The following FBXO34 variants were observed in gnomAD, a reference collection of about 807,000 sequenced individuals.
FBXO34 encodes the protein F-box only protein 34.
Under a neutral mutation model 24.5 loss-of-function variants are expected in FBXO34, and 12 were observed. The ratio of observed to expected loss-of-function variants is 0.49; its 90% CI spans 0.31 to 0.79. FBXO34 has a LOEUF of 0.79. Among genes scored for constraint, FBXO34 ranks in the 30% least tolerant of loss-of-function variants. The probability of loss-of-function intolerance (pLI) is 0.04; values close to 1 mark genes in which losing one functional copy is unlikely to be tolerated. For missense variants in FBXO34, 823 were observed against 857.7 expected, an observed-to-expected ratio of 0.96 and a Z score of 0.51; for synonymous variants, 320 against 311.9, an observed-to-expected ratio of 1.03 and a Z score of -0.27.
At chr14:55,354,279 G>C (rs1275105571), downstream of FBXO34, among the ~76,000 whole-genome samples, 2 of 152,328 alleles carry the variant, frequency 1.3e-5, no homozygotes, top group African/African-American at 4.8e-5. Flanking sequence ...GAGGTTTCCA[G>C]TGTTTGTCCT....
At chr14:55,391,040 T>C in the FBXO34 span, 1 of 1,261,182 alleles carries the variant, frequency 7.9e-7, no homozygotes, top group East Asian at 2.4e-5. Context: ...CTCTTATGGT[T>C]AATATGATTA....
the FBXO34 span, chr14:55,414,197 A>G: frequency 1.8e-6 from 1 of 563,898 alleles, no homozygotes; most frequent in Non-Finnish European, 3.1e-6. Flanking sequence ...TTAAAATAAC[A>G]CAAAAGGAGT....
the FBXO34 span, among the ~76,000 whole-genome samples, chr14:55,399,756 GGACT>G: frequency 1.3e-5 from 2 of 152,192 alleles, no homozygotes; most frequent in Admixed American, 6.5e-5. Flanking sequence ...ACCATGCAAA[GGACT>G]GACAGGGAAA....
chr14:55,307,013 A>G lies in FBXO34; in HGVS notation c.-11+35476A>G, dbSNP rs533477161. Among the ~76,000 whole-genome samples the G allele has an allele frequency of 3.3e-5, 5 of 152,338 alleles. No homozygotes were observed. The South Asian group carries it at 1.0e-3, about 32-fold the overall frequency. The stretch of plus-strand genomic sequence containing the variant: ...TATTAGCTAATTCCGAGATTGTTTA[A>G]TATGGTATCCACCCATTTCATTTGG... On this transcript the variant is annotated intron_variant, in intron 1 of 1. Coordinates refer to ENST00000313833, the MANE Select transcript of FBXO34 (RefSeq NM_017943.4).
intron 1 of FBXO34, among the ~76,000 whole-genome samples, chr14:55,319,705 C>T (rs1357991495): frequency 6.6e-6 from 1 of 152,156 alleles, no homozygotes; most frequent in Non-Finnish European, 1.5e-5. Context: ...TAGATGGAGT[C>T]TGGCTCTGTC....
At chr14:55,312,288 T>TC (rs1882770931) in intron 1 of FBXO34, among the ~76,000 whole-genome samples, 3 of 152,180 alleles carry the variant, frequency 2.0e-5, no homozygotes, top group Admixed American at 2.0e-4. Context: ...AGATTTAGGC[T>TC]CCCATGGCCT....
the FBXO34 span, chr14:55,413,655 ACTCAGACAC>A: frequency 0.018 from 7,006 of 398,688 alleles, 447 homozygotes; most frequent in African/African-American, 0.14. Context: ...CTTCAGTTGA[ACTCAGACAC>A]CTCTCCCTTT....
At chr14:55,331,464 C>A (rs1883529298) in intron 1 of FBXO34, among the ~76,000 whole-genome samples, 1 of 149,722 alleles carries the variant, frequency 6.7e-6, no homozygotes. Flanking sequence ...ATATATGCAG[C>A]TATAAAGAGC....
chr14:55,284,178 T>G (rs879785439), intron 1 of FBXO34, among the ~76,000 whole-genome samples: 2 of 152,150 alleles, frequency 1.3e-5, no homozygotes, highest in Non-Finnish European at 2.9e-5. Flanking sequence ...ATTGCATGTA[T>G]TTTTAAGACT....
intron 1 of FBXO34, among the ~76,000 whole-genome samples, chr14:55,289,181 T>C (rs985004904): frequency 2.6e-5 from 4 of 152,092 alleles, no homozygotes; most frequent in African/African-American, 2.4e-5. Context: ...TTCTCTTTTT[T>C]CCCCCCTTTC....
chr14:55,351,101 G>T lies in FBXO34; in HGVS notation c.711G>T (p.Arg237Ser). 6.2e-7 allele frequency: 1 copy of T among 1,614,192 alleles called. No individual in the cohort carries two copies. The highest frequency in any genetic ancestry group is 8.5e-7 in the Non-Finnish European group (1 of 1,180,036). ...GCACAAACTCACCTGCAATTGTGAG[G>T]TTTTCTGGCCAATCCAGAGGTGTGC... ...KNCTNSPAIV[R>S]FSGQSRGVPA... Residue 237 changes from arginine (R) to serine (S), a missense_variant, in exon 2 of 2, where the codon AGG becomes AGT. By Grantham distance (110) the Arg-to-Ser change is moderately radical. Transcript: ENST00000313833.
chr14:55,429,065 G>T, the FBXO34 span: 10 of 1,473,498 alleles, frequency 6.8e-6, no homozygotes, highest in South Asian at 1.1e-4. Flanking sequence ...TTTGTACCAC[G>T]TTTATCTTTC....
At chr14:55,359,897 T>C (rs924339671) in intron 3 of FBXO34, among the ~76,000 whole-genome samples, 1 of 136,172 alleles carries the variant, frequency 7.3e-6, no homozygotes, top group African/African-American at 2.8e-5. Flanking sequence ...CTGGGCAACA[T>C]AGGGAGACCT....
At chr14:55,327,908 G>T (rs796874711) in intron 1 of FBXO34, among the ~76,000 whole-genome samples, 657 of 48,738 alleles carry the variant, frequency 0.013, 8 homozygotes, top group African/African-American at 0.053. Flanking sequence ...GTTGTTGTTG[G>T]TTTTTTTTTT....
At chr14:55,333,313 C>T (rs1430952967) in intron 1 of FBXO34, among the ~76,000 whole-genome samples, 2 of 152,154 alleles carry the variant, frequency 1.3e-5, no homozygotes, top group East Asian at 1.9e-4. Context: ...CCCTTTACTT[C>T]GACCCTCTTG....
chr14:55,366,443 T>C (rs1438618982), downstream of FBXO34: 1 of 152,632 alleles, frequency 6.6e-6, no homozygotes, highest in African/African-American at 2.4e-5. Context: ...AAAACATTTG[T>C]ATGACTCAAA....
downstream of FBXO34, among the ~76,000 whole-genome samples, chr14:55,358,505 G>C (rs989983451): frequency 4.6e-5 from 7 of 152,178 alleles, no homozygotes; most frequent in African/African-American, 7.2e-5. Context: ...GAAGGGATCT[G>C]TCTGGAGGAC....
chr14:55,272,222 A>G (rs1272382901), intron 1 of FBXO34: 1 of 152,290 alleles, frequency 6.6e-6, no homozygotes, highest in Non-Finnish European at 1.5e-5. Context: ...AGGGTAGAAA[A>G]AGGAAGTTGT....
chr14:55,440,445 T>G, the FBXO34 span: 1 of 1,612,370 alleles, frequency 6.2e-7, no homozygotes, highest in South Asian at 1.1e-5. Flanking sequence ...CTCCTCCTGC[T>G]CCATGGACCG....
Sources: gnomAD v4.1 joint callset for allele counts (sites outside exome capture counted in the v4.1 genomes callset) on GRCh38, gnomAD v4.1.1 for gene constraint, MANE v1.5 for transcripts, NCBI Gene and HGNC (gene_info 2026-07-23, HGNC 2026-07-21) for gene names.